Variants in PTK2B observed in about 807,000 individuals in gnomAD.
PTK2B encodes the protein protein-tyrosine kinase 2-beta.
Under a neutral mutation model 142.9 loss-of-function variants are expected in PTK2B, and 71 were observed. The ratio of observed to expected loss-of-function variants is 0.50; its 90% CI spans 0.41 to 0.61. The LOEUF (loss-of-function observed/expected upper bound fraction) is 0.61, where lower values mean the gene tolerates loss of function less well. Ranked by LOEUF, PTK2B falls within the 20% of genes least tolerant of loss-of-function variation. PTK2B has a pLI of 0.00. For synonymous variants in PTK2B, 519 were observed against 503.4 expected (o/e 1.03, Z -0.42); for missense variants, 1,105 against 1,320.4 (o/e 0.84, Z 2.53).
chr8:27,453,559 C>G (rs1811953852), intron 28 of PTK2B, among the ~76,000 whole-genome samples: 1 of 152,156 alleles, frequency 6.6e-6, no homozygotes, highest in African/African-American at 2.4e-5. Flanking sequence ...CTTGGCTGTC[C>G]ATTAAAATCA....
intron 1 of PTK2B, among the ~76,000 whole-genome samples, chr8:27,350,028 T>G (rs1474273615): frequency 6.6e-6 from 1 of 152,230 alleles, no homozygotes; most frequent in Non-Finnish European, 1.5e-5. Context: ...AGGCTTCTCA[T>G]CCTAGCATGG....
upstream of PTK2B, chr8:27,311,444 G>A (rs7005244): frequency 0.53 from 337,758 of 632,512 alleles, 92,462 homozygotes; most frequent in African/African-American, 0.66. Context: ...TCCGGTGTGC[G>A]CGGGAAATCT....
intron 1 of PTK2B, among the ~76,000 whole-genome samples, chr8:27,348,819 C>A (rs1484641440): frequency 6.6e-6 from 1 of 152,036 alleles, no homozygotes; most frequent in African/African-American, 2.4e-5. Context: ...TTGCAGAATC[C>A]TCTCTACTCC....
At chr8:27,447,108 G>A (rs2132368228) in intron 24 of PTK2B, among the ~76,000 whole-genome samples, 1 of 152,276 alleles carries the variant, frequency 6.6e-6, no homozygotes, top group Non-Finnish European at 1.5e-5. Flanking sequence ...AAGCTATTTT[G>A]CACATTTGAG....
At chr8:27,428,477 A>G (rs750703088) in intron 5 of PTK2B, among the ~76,000 whole-genome samples, 7 of 152,228 alleles carry the variant, frequency 4.6e-5, no homozygotes, top group Non-Finnish European at 1.0e-4. Flanking sequence ...GACACTCAGT[A>G]CAGAGAAGTA....
upstream of PTK2B, chr8:27,311,253 C>T: frequency 1.3e-6 from 2 of 1,485,358 alleles, no homozygotes; most frequent in East Asian, 2.4e-5. Flanking sequence ...GCAGCCGGCT[C>T]GGGCGCCCGG....
At chr8:27,427,818 TG>T (rs1563277477) in intron 5 of PTK2B, among the ~76,000 whole-genome samples, 1 of 152,112 alleles carries the variant, frequency 6.6e-6, no homozygotes, top group Non-Finnish European at 1.5e-5. Context: ...GGGAGAATCC[TG>T]GGTAGGCTTC....
intron 1 of PTK2B, among the ~76,000 whole-genome samples, chr8:27,344,687 T>C (rs540275309): frequency 6.6e-6 from 1 of 152,204 alleles, no homozygotes; most frequent in Admixed American, 6.5e-5. Context: ...CCTGGGGCTA[T>C]CTTGGTCTGT....
At chr8:27,455,495 G>A (rs1408399663) in intron 30 of PTK2B, among the ~76,000 whole-genome samples, 1 of 152,186 alleles carries the variant, frequency 6.6e-6, no homozygotes, top group Non-Finnish European at 1.5e-5. Flanking sequence ...GCTGCAGTGA[G>A]CCATGGTCAT....
chr8:27,332,912 G>C (rs987226481), intron 1 of PTK2B, among the ~76,000 whole-genome samples: 2 of 152,210 alleles, frequency 1.3e-5, no homozygotes, highest in Non-Finnish European at 2.9e-5. Context: ...TCCTCACAAA[G>C]TTTATAGTAT....
intron 1 of PTK2B, among the ~76,000 whole-genome samples, chr8:27,372,307 C>T (rs1427128164): frequency 6.6e-6 from 1 of 152,188 alleles, no homozygotes; most frequent in Non-Finnish European, 1.5e-5. Context: ...GGAATTGGCA[C>T]ACAGGAGTAT....
chr8:27,310,564 T>C (rs973654709), upstream of PTK2B, among the ~76,000 whole-genome samples: 3 of 152,272 alleles, frequency 2.0e-5, no homozygotes, highest in Non-Finnish European at 2.9e-5. Flanking sequence ...GGGAACATCA[T>C]GTAACCTCAT....
chr8:27,321,009 T>TTTTTTTTTTG (rs1803202578), upstream of PTK2B, among the ~76,000 whole-genome samples: 1 of 132,762 alleles, frequency 7.5e-6, no homozygotes, highest in African/African-American at 3.0e-5. Flanking sequence ...TTTTTTTTTT[T>TTTTTTTTTTG]GAGACAGGGT....
At chr8:27,340,804 G>A (rs1048078719) in intron 1 of PTK2B, among the ~76,000 whole-genome samples, 3 of 152,184 alleles carry the variant, frequency 2.0e-5, no homozygotes, top group African/African-American at 7.2e-5. Flanking sequence ...GCTGCCAACT[G>A]CTGCTTGGGC....
intron 1 of PTK2B, among the ~76,000 whole-genome samples, chr8:27,394,711 T>C (rs948999319): frequency 6.6e-6 from 1 of 152,270 alleles, no homozygotes; most frequent in African/African-American, 2.4e-5. Context: ...TTTTTAAAGC[T>C]TGTTGATGCT....
At chr8:27,394,834 T>A (rs890987397) in intron 1 of PTK2B, among the ~76,000 whole-genome samples, 3 of 152,166 alleles carry the variant, frequency 2.0e-5, no homozygotes, top group Admixed American at 6.5e-5. Context: ...TTTTATTTTT[T>A]ATTTTTTTTA....
chr8:27,423,170 A>G (rs1249567190), intron 5 of PTK2B, among the ~76,000 whole-genome samples: 2 of 152,160 alleles, frequency 1.3e-5, no homozygotes, highest in Non-Finnish European at 2.9e-5. Context: ...TTAGAATGAC[A>G]TAATTAGAAT....
At chr8:27,382,902 A>G (rs1378462803) in intron 1 of PTK2B, among the ~76,000 whole-genome samples, 1 of 151,678 alleles carries the variant, frequency 6.6e-6, no homozygotes, top group African/African-American at 2.4e-5. Context: ...ATTCTGTTTC[A>G]TTTGTCTGTG....
At position 27,316,293 on chromosome 8, in the gene PTK2B, G is replaced by GTT. The variant is rs34431277; in HGVS notation, c.-414+3018_-414+3019dup. On this transcript the variant is annotated intron_variant, in intron 3 of 35. Transcript: ENST00000397501. Reference sequence around the variant, plus strand: ...AGAGAGTAAAGGAGGAAATTGCCTTGTTTTTTTTTTTTTCTGAAACAGTGA... The same window carrying GTT: ...AGAGAGTAAAGGAGGAAATTGCCTTGTTTTTTTTTTTTTTTCTGAAACAGTGA... Among the ~76,000 whole-genome samples the GTT allele has an allele frequency of 7.1e-3, 1,015 of 142,842 alleles. 7 individuals are homozygous for GTT. The highest frequency in any genetic ancestry group is 0.037 in the East Asian group (183 of 4,942). 93.7% of individuals were successfully genotyped at this position (142,842 alleles called of 152,430 possible).
Sources: allele counts gnomAD v4.1 joint callset (sites outside exome capture counted in the v4.1 genomes callset), GRCh38; gene constraint gnomAD v4.1.1; transcripts MANE v1.5; gene names NCBI Gene and HGNC (gene_info 2026-07-23, HGNC 2026-07-21).